The following PRPSAP1 variants were observed in gnomAD, a reference collection of about 807,000 sequenced individuals.
The protein encoded by PRPSAP1 is phosphoribosyl pyrophosphate synthase-associated protein 1.
In PRPSAP1, 31 loss-of-function variants were observed where a neutral mutation model predicts 39.4. The ratio of observed to expected loss-of-function variants is 0.79; its 90% CI spans 0.59 to 1.06. The LOEUF (loss-of-function observed/expected upper bound fraction) is 1.06. Ranked by LOEUF, PRPSAP1 falls within the 50% of genes least tolerant of loss-of-function variation. The pLI is 0.00. For missense variants in PRPSAP1, 430 were observed against 511.6 expected (o/e 0.84, Z 1.54); for synonymous variants, 212 against 192.6 (o/e 1.10, Z -0.83).
Position 76,312,976 on chromosome 17 carries a change from G to A in PRPSAP1, c.893C>T (p.Ala298Val), listed in dbSNP as rs771369497. ...GGCGCCTCTCTCTTTCAGGATCTCC[G>A]CGGCAGCAACAAAACTCTCCACATC... is the stretch of plus-strand genomic sequence containing the variant. Reference protein sequence around the residue: ...IDDVESFVAAAEILKERGAYK... With the variant: ...IDDVESFVAAVEILKERGAYK... The change falls in exon 9 of 10, where the codon GCG (alanine) becomes GTG (valine). Residue 298 changes from alanine (A) to valine (V), a missense_variant. By Grantham distance (64) the Ala-to-Val change is moderately conservative. This residue lies in a region of PRPSAP1 where 278 missense variants were observed against 376.3 expected (regional missense o/e 0.74). Coordinates refer to ENST00000446526, the MANE Select transcript of PRPSAP1 (RefSeq NM_002766.3). 10 of 1,613,982 alleles carry A rather than the reference G, an allele frequency of 6.2e-6. No homozygotes were observed. The highest frequency in any genetic ancestry group is 7.6e-6 in the Non-Finnish European group (9 of 1,180,022).
chr17:76,345,190 G>T (rs1000990464), intron 2 of PRPSAP1, among the ~76,000 whole-genome samples: 4 of 135,886 alleles, frequency 2.9e-5, no homozygotes, highest in African/African-American at 1.1e-4. Context: ...AGCCGAGATC[G>T]CGCCACTGCA....
rs1291207637 is a variant in PRPSAP1 at position 76,310,932 on chromosome 17, A to G, written c.*610T>C. On this transcript the variant is annotated 3_prime_UTR_variant, in exon 10 of 10. Transcript: ENST00000446526. ...CTGCTGTCTAATGAAAAGACTAGCAAGACAACAAATTATTTTATTTGCAAC... is the reference window on the plus strand; with the variant it reads ...CTGCTGTCTAATGAAAAGACTAGCAGGACAACAAATTATTTTATTTGCAAC... 6.6e-6 allele frequency: 1 copy of G among 152,220 alleles called. No homozygotes were observed. The highest frequency in any genetic ancestry group is 1.5e-5 in the Non-Finnish European group (1 of 68,058). 9.4% of individuals were successfully genotyped at this position (152,220 alleles called of 1,614,324 possible).
rs2071313188 is a variant in PRPSAP1 at position 76,330,780 on chromosome 17, C to T, written c.464-114G>A. 5 of 622,580 alleles carry T rather than the reference C, an allele frequency of 8.0e-6. No homozygotes were observed. In the Admixed American group the frequency reaches 8.7e-5, roughly 11 times the overall value. 38.6% of individuals were successfully genotyped at this position (622,580 alleles called of 1,614,324 possible). ...CTACCAGCAGACTGAAGACGGGGTA[C>T]TGTGATTAAGCACTGCAGTCACAGG... On this transcript the variant is annotated intron_variant, in intron 4 of 9. Transcript: ENST00000446526.
chr17:76,325,516 AACC>A (rs2071246810), intron 7 of PRPSAP1, among the ~76,000 whole-genome samples: 1 of 151,094 alleles, frequency 6.6e-6, no homozygotes, highest in South Asian at 2.1e-4. Context: ...AACTTTCAAC[AACC>A]ACCACCCTGA....
At chr17:76,352,019 T>C (rs1438227848) in intron 1 of PRPSAP1, among the ~76,000 whole-genome samples, 4 of 151,778 alleles carry the variant, frequency 2.6e-5, no homozygotes, top group East Asian at 1.9e-4. Flanking sequence ...TGCAAAAGGA[T>C]TGATTTGTTT....
At chr17:76,335,284 C>T (rs2071365645) in intron 3 of PRPSAP1, among the ~76,000 whole-genome samples, 1 of 151,834 alleles carries the variant, frequency 6.6e-6, no homozygotes, top group Non-Finnish European at 1.5e-5. Flanking sequence ...CCAATATCCA[C>T]AATATGTTTG....
intron 1 of PRPSAP1, among the ~76,000 whole-genome samples, chr17:76,349,172 A>C (rs527780130): frequency 5.7e-4 from 86 of 151,882 alleles, no homozygotes; most frequent in Admixed American, 5.1e-3. Context: ...GGCATGGTGG[A>C]GCATGCCTGT....
At chr17:76,331,287 A>G (rs2071319699) in intron 4 of PRPSAP1, among the ~76,000 whole-genome samples, 1 of 152,206 alleles carries the variant, frequency 6.6e-6, no homozygotes, top group African/African-American at 2.4e-5. Flanking sequence ...CAGGGTGTAG[A>G]ACCAGTATTA....
rs28513895 is a variant in PRPSAP1 at position 76,345,818 on chromosome 17, C to T, written c.224-1081G>A. 1,072 of 364,082 alleles carry T rather than the reference C, an allele frequency of 2.9e-3. 9 individuals carry two copies. Among genetic ancestry groups the T allele is most frequent in the African/African-American group, 0.022 (1,009 of 46,172 alleles). 22.6% of individuals were successfully genotyped at this position (364,082 alleles called of 1,614,324 possible). A position where few individuals can be genotyped will look rare whatever the true frequency, so the allele number is the denominator to read the frequency against. On this transcript the variant is annotated intron_variant, in intron 2 of 9. Coordinates refer to ENST00000446526, the MANE Select transcript of PRPSAP1 (RefSeq NM_002766.3). The stretch of plus-strand genomic sequence containing the variant: ...GCATCCCGCTCCCAGTGCCTACGTC[C>T]GGCTGCTTTCGTTGCCACCATGCCC...
At chr17:76,325,044 C>T (rs747567620) in intron 7 of PRPSAP1, among the ~76,000 whole-genome samples, 201 of 138,262 alleles carry the variant, frequency 1.5e-3, no homozygotes, top group Non-Finnish European at 2.4e-3. Flanking sequence ...CCAGCCTGGA[C>T]GACAGAGAGA....
chr17:76,317,394 C>G (rs2071135934), intron 7 of PRPSAP1, among the ~76,000 whole-genome samples: 2 of 151,842 alleles, frequency 1.3e-5, no homozygotes, highest in African/African-American at 4.8e-5. Flanking sequence ...CATGGTGGCT[C>G]ATGCCCATAA....
rs1024030798 is a variant in PRPSAP1, at chr17:76,332,672, C to T, written c.291-237G>A. Reference sequence around the variant, plus strand: ...ATTCACAGCACAGTTAACCCACCCTCACATTTGCCTGGGTCTCCTGTGTCA... The same window carrying T: ...ATTCACAGCACAGTTAACCCACCCTTACATTTGCCTGGGTCTCCTGTGTCA... On this transcript the variant is annotated intron_variant, in intron 3 of 9. Transcript: ENST00000446526. Among the ~76,000 whole-genome samples, 8 of 152,282 alleles carry T rather than the reference C, an allele frequency of 5.3e-5. No individual in the cohort carries two copies. In the East Asian group the frequency reaches 7.7e-4, roughly 15 times the overall value.
At chr17:76,337,665 G>A (rs1277409757) in intron 3 of PRPSAP1, among the ~76,000 whole-genome samples, 4 of 152,190 alleles carry the variant, frequency 2.6e-5, no homozygotes, top group Non-Finnish European at 4.4e-5. Flanking sequence ...GAGTGCAGTA[G>A]CACCATCTTG....
intron 3 of PRPSAP1, among the ~76,000 whole-genome samples, chr17:76,334,622 AT>A (rs2071359634): frequency 1.4e-5 from 2 of 138,018 alleles, no homozygotes; most frequent in Admixed American, 1.5e-4. Flanking sequence ...GCATTCTATG[AT>A]TAAAAAAAAC....
chr17:76,319,020 ACCTCC>A, intron 7 of PRPSAP1, among the ~76,000 whole-genome samples: 1 of 152,074 alleles, frequency 6.6e-6, no homozygotes, highest in Admixed American at 6.6e-5. Flanking sequence ...GCTCACTGCA[ACCTCC>A]GCCTCCCAGG....
upstream of PRPSAP1, chr17:76,354,075 G>A (rs1377096645): frequency 6.6e-6 from 7 of 1,053,410 alleles, no homozygotes; most frequent in Non-Finnish European, 8.0e-6. Context: ...CCGCTTCCAC[G>A]GGAGCTCTTT....
At position 76,348,536 on chromosome 17, in the gene PRPSAP1, G is replaced by C; in HGVS notation, c.216C>G (p.Thr72=). 2 of 1,474,776 alleles carry C rather than the reference G, an allele frequency of 1.4e-6. No homozygotes were observed. The highest frequency in any genetic ancestry group is 1.8e-6 in the Non-Finnish European group (2 of 1,118,128). 91.4% of individuals were successfully genotyped at this position (1,474,776 alleles called of 1,614,324 possible). The change falls in exon 2 of 10, where the codon ACC becomes ACG. Residue 72 remains threonine (T), a synonymous_variant. Transcript: ENST00000446526. ...ELGKSVVYQE[T]NGETRVEIKE... ...GAAATAATTTTAACTTACCTCCATT[G>C]GTCTCTTGATATACAACAGACTTCC... is the stretch of plus-strand genomic sequence containing the variant.
intron 3 of PRPSAP1, among the ~76,000 whole-genome samples, chr17:76,333,559 C>G (rs1301816548): frequency 6.6e-6 from 1 of 151,846 alleles, no homozygotes; most frequent in Non-Finnish European, 1.5e-5. Context: ...GCAGGAGAAT[C>G]TCTTGAACCT....
chr17:76,341,763 C>G (rs2071441808), intron 3 of PRPSAP1, among the ~76,000 whole-genome samples: 1 of 152,102 alleles, frequency 6.6e-6, no homozygotes. Flanking sequence ...CATGGTGAAA[C>G]CCCGTCTCTA....
Sources: allele counts gnomAD v4.1 joint callset (sites outside exome capture counted in the v4.1 genomes callset), GRCh38; gene constraint gnomAD v4.1.1; regional missense constraint gnomAD v4.1.1; transcripts MANE v1.5; gene names NCBI Gene and HGNC (gene_info 2026-07-23, HGNC 2026-07-21).